Variants in MAP4 observed in about 807,000 individuals in gnomAD.
The protein encoded by MAP4 is microtubule-associated protein 4.
In MAP4, 76 loss-of-function variants were observed where a neutral mutation model predicts 170.2. The observed-to-expected ratio is 0.45, with a 90% CI of 0.37 to 0.54. MAP4 has a LOEUF of 0.54. Ranked by LOEUF, MAP4 falls within the 20% of genes least tolerant of loss-of-function variation. The pLI is 0.00. For synonymous variants in MAP4, 909 were observed against 994.5 expected (o/e 0.91, Z 1.62); for missense variants, 2,506 against 2,748.0 (o/e 0.91, Z 1.97).
intron 3 of MAP4, among the ~76,000 whole-genome samples, chr3:47,948,353 C>A (rs970782832): frequency 6.6e-6 from 1 of 150,968 alleles, no homozygotes; most frequent in African/African-American, 2.4e-5. Context: ...CCTGCCTCAA[C>A]ATATGGAGTA....
intron 4 of MAP4, among the ~76,000 whole-genome samples, chr3:47,923,378 A>G (rs1490693730): frequency 6.6e-6 from 1 of 151,280 alleles, no homozygotes; most frequent in Non-Finnish European, 1.5e-5. Context: ...GGAAGTGTGA[A>G]CAAGCAGAAG....
chr3:47,968,522 A>G (rs2100076497), intron 3 of MAP4, among the ~76,000 whole-genome samples: 1 of 152,252 alleles, frequency 6.6e-6, no homozygotes, highest in Admixed American at 6.5e-5. Flanking sequence ...AAGAAATTAG[A>G]AAATACTTTC....
At chr3:47,887,483 C>T (rs1351292238) in intron 10 of MAP4, among the ~76,000 whole-genome samples, 1 of 152,230 alleles carries the variant, frequency 6.6e-6, no homozygotes, top group African/African-American at 2.4e-5. Context: ...ATGCCTCAGC[C>T]TCCCACCCCT....
At chr3:47,883,544 T>A (rs906022840) in intron 10 of MAP4, among the ~76,000 whole-genome samples, 1 of 152,152 alleles carries the variant, frequency 6.6e-6, no homozygotes, top group Admixed American at 6.6e-5. Context: ...TTTTTACCCA[T>A]TCCATTGTTG....
chr3:48,087,760 C>G (rs2100150052), intron 1 of MAP4, among the ~76,000 whole-genome samples: 1 of 150,930 alleles, frequency 6.6e-6, no homozygotes, highest in South Asian at 2.1e-4. Context: ...CACACACACA[C>G]ACACACACAC....
chr3:47,959,776 T>C lies in MAP4; in HGVS notation c.292+18089A>G, dbSNP rs2100070385. 2.7e-5 allele frequency among the ~76,000 whole-genome samples: 4 copies of C among 148,274 alleles called. No individual in the cohort carries two copies. In the South Asian group the frequency reaches 8.7e-4, roughly 32 times the overall value. ...TCCATCTCAAAAAAAAAAAAAAAAATGTATATACATGAAGAACATTTTGCT... is the reference window on the plus strand; with the variant it reads ...TCCATCTCAAAAAAAAAAAAAAAAACGTATATACATGAAGAACATTTTGCT... On this transcript the variant is annotated intron_variant, in intron 3 of 20. Transcript: ENST00000683076.
intron 4 of MAP4, among the ~76,000 whole-genome samples, chr3:47,922,835 G>A (rs2153710131): frequency 6.6e-6 from 1 of 152,280 alleles, no homozygotes; most frequent in South Asian, 2.1e-4. Flanking sequence ...GGATCACGAG[G>A]TCTGGAGATT....
At chr3:48,020,880 C>G (rs1261184369), upstream of MAP4, among the ~76,000 whole-genome samples, 1 of 152,014 alleles carries the variant, frequency 6.6e-6, no homozygotes, top group African/African-American at 2.4e-5. Context: ...TACACTACAG[C>G]TTCAAGCTCC....
intron 10 of MAP4, among the ~76,000 whole-genome samples, chr3:47,889,013 C>A (rs1422041129): frequency 2.0e-5 from 3 of 152,168 alleles, no homozygotes; most frequent in African/African-American, 7.2e-5. Context: ...AACATCGGAA[C>A]CCTGACATAT....
chr3:48,009,332 T>C (rs2100104062), intron 1 of MAP4, among the ~76,000 whole-genome samples: 1 of 152,094 alleles, frequency 6.6e-6, no homozygotes, highest in African/African-American at 2.4e-5. Flanking sequence ...AACTCCTGAC[T>C]TCAAGTGATC....
At chr3:48,055,042 G>A (rs2100130022) in intron 1 of MAP4, among the ~76,000 whole-genome samples, 1 of 152,160 alleles carries the variant, frequency 6.6e-6, no homozygotes, top group Admixed American at 6.5e-5. Context: ...CCCCTTCCAA[G>A]GTGGAGACAG....
chr3:47,875,879 C>A lies in MAP4; in HGVS notation c.5563G>T (p.Ala1855Ser). The change falls in exon 12 of 21, where the codon GCA (alanine) becomes TCA (serine). Residue 1855 changes from alanine to serine, a missense_variant. Coordinates refer to ENST00000683076, the MANE Select transcript of MAP4 (RefSeq NM_001385682.1). ...TTGGCTTTCGATGTTGAAGTCTTTG[C>A]AGGTTGAGTGGTGGCCAAAGGCTTT... is the stretch of plus-strand genomic sequence containing the variant. ...KTKPLATTQP[A>S]KTSTSKAKTQ... 1.2e-6 allele frequency: 2 copies of A among 1,611,794 alleles called. No homozygotes were observed. Among genetic ancestry groups the A allele is most frequent in the East Asian group, 2.2e-5 (1 of 44,836 alleles).
upstream of MAP4, among the ~76,000 whole-genome samples, chr3:48,018,156 C>T (rs147797537): frequency 0.018 from 2,667 of 152,302 alleles, 36 homozygotes; most frequent in South Asian, 0.064. Flanking sequence ...CAGCCCAGTT[C>T]CTAACTGGCC....
intron 3 of MAP4, among the ~76,000 whole-genome samples, chr3:47,933,205 G>C (rs1234047638): frequency 1.3e-5 from 2 of 152,136 alleles, no homozygotes; most frequent in Non-Finnish European, 2.9e-5. Flanking sequence ...ACAGGAAGCA[G>C]ATCAATGGTC....
At chr3:47,861,464 T>C (rs2065794442) in intron 17 of MAP4, among the ~76,000 whole-genome samples, 1 of 150,974 alleles carries the variant, frequency 6.6e-6, no homozygotes, top group African/African-American at 2.4e-5. Flanking sequence ...GCGATTCTCC[T>C]GCCTCAGCTT....
intron 12 of MAP4, among the ~76,000 whole-genome samples, chr3:47,874,946 G>A (rs1161573440): frequency 6.6e-6 from 1 of 150,940 alleles, no homozygotes; most frequent in African/African-American, 2.5e-5. Context: ...AATAACACAA[G>A]ATGTTAAGGA....
chr3:47,950,250 T>C (rs758909347), intron 3 of MAP4, among the ~76,000 whole-genome samples: 7 of 152,222 alleles, frequency 4.6e-5, no homozygotes, highest in Non-Finnish European at 8.8e-5. Flanking sequence ...ATTCTTTATG[T>C]TAACTTTCCC....
At chr3:47,880,705 C>T (rs1450555437) in intron 10 of MAP4, among the ~76,000 whole-genome samples, 1 of 152,112 alleles carries the variant, frequency 6.6e-6, no homozygotes, top group Non-Finnish European at 1.5e-5. Context: ...TCAAGCAGTC[C>T]TCCCACATCA....
At position 47,877,457 on chromosome 3, in the gene MAP4, G is replaced by A; in HGVS notation, c.5501C>T (p.Pro1834Leu). Reference protein sequence around the residue: ...SGTGNDITTPPNKELPPSPEK... With the variant: ...SGTGNDITTPLNKELPPSPEK... ...TGGGCTTGGTGGGAGCTCCTTGTTC[G>A]GTGGGGTGGTGATGTCATTTCCTGT... is the stretch of plus-strand genomic sequence containing the variant. Residue 1834 changes from proline (P) to leucine (L), a missense_variant, in exon 11 of 21, where the codon CCG becomes CTG. Pro to Leu is a moderately conservative substitution (Grantham distance 98). Coordinates refer to ENST00000683076, the MANE Select transcript of MAP4 (RefSeq NM_001385682.1). 3.1e-6 allele frequency: 5 copies of A among 1,614,024 alleles called. No individual in the cohort carries two copies. Among genetic ancestry groups the A allele is most frequent in the South Asian group, 1.1e-5 (1 of 91,060 alleles).
Sources: allele counts gnomAD v4.1 joint callset (sites outside exome capture counted in the v4.1 genomes callset), GRCh38; gene constraint gnomAD v4.1.1; transcripts MANE v1.5; gene names NCBI Gene and HGNC (gene_info 2026-07-23, HGNC 2026-07-21).